MAML2: variants seen among roughly 807,000 people sequenced by gnomAD.
MAML2 encodes mastermind-like protein 2.
A neutral mutation model predicts 96.1 loss-of-function variants in MAML2; 22 were observed. The ratio of observed to expected loss-of-function variants is 0.23; its 90% CI spans 0.16 to 0.33. The LOEUF is 0.33. Among genes scored for constraint, MAML2 ranks in the 10% least tolerant of loss-of-function variants. The pLI is 1.00. For synonymous variants in MAML2, 561 were observed against 521.3 expected, an observed-to-expected ratio of 1.08 and a Z score of -1.04; for missense variants, 1,367 against 1,392.4, an observed-to-expected ratio of 0.98 and a Z score of 0.29.
chr11:96,015,198 G>T (rs1011506721), intron 2 of MAML2, among the ~76,000 whole-genome samples: 3 of 152,182 alleles, frequency 2.0e-5, no homozygotes, highest in Non-Finnish European at 4.4e-5. Context: ...ATCTAAAGTG[G>T]TGGTAAATCT....
intron 1 of MAML2, among the ~76,000 whole-genome samples, chr11:96,147,963 A>G (rs954232374): frequency 2.0e-5 from 3 of 152,236 alleles, no homozygotes; most frequent in Admixed American, 2.0e-4. Context: ...GGCTTTAGGC[A>G]TAATGAAAAT....
chr11:96,030,305 A>G (rs889148849), intron 2 of MAML2, among the ~76,000 whole-genome samples: 1 of 152,066 alleles, frequency 6.6e-6, no homozygotes, highest in Non-Finnish European at 1.5e-5. Context: ...AAAAAGGAAG[A>G]GAAGATGGGG....
At chr11:96,110,089 G>T (rs1315865528) in intron 1 of MAML2, among the ~76,000 whole-genome samples, 1 of 152,136 alleles carries the variant, frequency 6.6e-6, no homozygotes, top group Non-Finnish European at 1.5e-5. Context: ...TGCTACAGAG[G>T]TCACCTGCGA....
intron 1 of MAML2, among the ~76,000 whole-genome samples, chr11:96,291,808 G>A (rs909031734): frequency 6.6e-6 from 1 of 152,184 alleles, no homozygotes; most frequent in African/African-American, 2.4e-5. Context: ...GAAGGTATAA[G>A]TATGTCTGCG....
intron 1 of MAML2, among the ~76,000 whole-genome samples, chr11:96,216,626 G>T (rs1862053966): frequency 6.6e-6 from 1 of 152,176 alleles, no homozygotes; most frequent in Admixed American, 6.5e-5. Context: ...AATGCTTATG[G>T]ATCATTTAGG....
intron 2 of MAML2, among the ~76,000 whole-genome samples, chr11:96,014,311 T>A (rs1858309789): frequency 6.6e-6 from 1 of 152,200 alleles, no homozygotes; most frequent in Non-Finnish European, 1.5e-5. Flanking sequence ...AAGACTACCT[T>A]ATTATTGGTA....
At chr11:96,056,308 A>G (rs1263367305) in intron 2 of MAML2, among the ~76,000 whole-genome samples, 1 of 151,106 alleles carries the variant, frequency 6.6e-6, no homozygotes, top group East Asian at 2.0e-4. Flanking sequence ...AGCCATTGGA[A>G]AGGATTCTAA....
At chr11:96,012,655 T>A (rs1590961346) in intron 2 of MAML2, among the ~76,000 whole-genome samples, 1 of 152,218 alleles carries the variant, frequency 6.6e-6, no homozygotes, top group African/African-American at 2.4e-5. Flanking sequence ...AAAGACAGTA[T>A]AAGAAATTGA....
chr11:96,233,854 A>G (rs1057058753), intron 1 of MAML2, among the ~76,000 whole-genome samples: 2 of 152,182 alleles, frequency 1.3e-5, no homozygotes, highest in African/African-American at 4.8e-5. Flanking sequence ...AAGTGAATGA[A>G]GAAGAACAAG....
At chr11:96,328,022 G>C (rs922772672) in intron 1 of MAML2, among the ~76,000 whole-genome samples, 1 of 152,008 alleles carries the variant, frequency 6.6e-6, no homozygotes, top group Non-Finnish European at 1.5e-5. Flanking sequence ...CTTCAACCCG[G>C]GGGGTGGAGG....
intron 1 of MAML2, among the ~76,000 whole-genome samples, chr11:96,141,829 G>C (rs1296973310): frequency 6.6e-6 from 1 of 152,202 alleles, no homozygotes; most frequent in East Asian, 1.9e-4. Flanking sequence ...ACATCGATGG[G>C]CACTGGCAGC....
intron 1 of MAML2, among the ~76,000 whole-genome samples, chr11:96,295,221 G>A (rs758795506): frequency 2.0e-5 from 3 of 151,990 alleles, no homozygotes; most frequent in Non-Finnish European, 4.4e-5. Context: ...GAGTTTTTCT[G>A]GAAACACTGG....
intron 1 of MAML2, among the ~76,000 whole-genome samples, chr11:96,200,581 C>T (rs1371594910): frequency 6.6e-6 from 1 of 152,306 alleles, no homozygotes; most frequent in South Asian, 2.1e-4. Flanking sequence ...GTTAGTGTGT[C>T]CCTCACAGCA....
At chr11:96,089,803 A>T (rs1490450908) in intron 2 of MAML2, among the ~76,000 whole-genome samples, 4 of 151,940 alleles carry the variant, frequency 2.6e-5, no homozygotes. Flanking sequence ...CCTGTATCGA[A>T]GAGAGGCCCT....
At chr11:96,097,430 G>A (rs1859850386) in intron 1 of MAML2, among the ~76,000 whole-genome samples, 1 of 152,138 alleles carries the variant, frequency 6.6e-6, no homozygotes, top group Admixed American at 6.5e-5. Context: ...AGAGAAGGGA[G>A]AAAGGAGAAG....
chr11:95,979,779 T>A lies in MAML2; in HGVS notation c.2640A>T (p.Thr880=). Residue 880 remains threonine, a synonymous_variant, in exon 5 of 5, where the codon ACA becomes ACT. Coordinates refer to ENST00000524717, the MANE Select transcript of MAML2 (RefSeq NM_032427.4). ...GATTCATTCCTGAAGTGACACTGTA[T>A]GTGTTAGGTTGATTACAAGGCAGAT... is the stretch of plus-strand genomic sequence containing the variant. The part of the protein sequence containing the change: ...YGNLPCNQPN[T]YSVTSGMNQL... 6.2e-7 allele frequency: 1 copy of A among 1,613,982 alleles called. No homozygotes were observed. The highest frequency in any genetic ancestry group is 8.5e-7 in the Non-Finnish European group (1 of 1,179,868).
intron 1 of MAML2, among the ~76,000 whole-genome samples, chr11:96,339,037 T>C (rs538044139): frequency 9.9e-5 from 15 of 152,276 alleles, no homozygotes; most frequent in Non-Finnish European, 1.3e-4. Context: ...GCAGCTAAAA[T>C]GGAGAGGGAA....
intron 1 of MAML2, among the ~76,000 whole-genome samples, chr11:96,111,952 T>TAA (rs11428116): frequency 1.2e-3 from 172 of 148,988 alleles, no homozygotes; most frequent in African/African-American, 2.6e-3. Context: ...TCTTTTTTTC[T>TAA]AAAAAAAAAA....
chr11:96,198,590 T>TAA (rs1861764903), intron 1 of MAML2, among the ~76,000 whole-genome samples: 1 of 152,214 alleles, frequency 6.6e-6, no homozygotes. Flanking sequence ...ATCTATTTTG[T>TAA]AGTGTGGCTC....
Sources: allele counts gnomAD v4.1 joint callset (sites outside exome capture counted in the v4.1 genomes callset), GRCh38; gene constraint gnomAD v4.1.1; transcripts MANE v1.5; gene names NCBI Gene and HGNC (gene_info 2026-07-23, HGNC 2026-07-21).